The following HS6ST2 variants were observed in gnomAD, a reference collection of about 807,000 sequenced individuals.
HS6ST2 encodes heparan-sulfate 6-O-sulfotransferase 2.
Under a neutral mutation model 33.0 loss-of-function variants are expected in HS6ST2, and 17 were observed. That is an observed-to-expected ratio of 0.52 (90% CI 0.35 to 0.77). HS6ST2 has a LOEUF of 0.77. Among genes scored for constraint, HS6ST2 ranks in the 30% least tolerant of loss-of-function variants. The pLI, the probability that HS6ST2 is intolerant of heterozygous loss-of-function variation, is 0.01. For missense variants in HS6ST2, 519 were observed against 551.7 expected (o/e 0.94, Z 0.59); for synonymous variants, 248 against 237.1 (o/e 1.05, Z -0.42).
Position 132,637,910 on chromosome X carries a change from A to G in HS6ST2, c.1068-8817T>C, listed in dbSNP as rs1270797321. ...TAATATTTTATATATAATATTATAT[A>G]TAATATTTTATATATATATTATATA... is the stretch of plus-strand genomic sequence containing the variant. On this transcript the variant is annotated intron_variant, in intron 4 of 4. Coordinates refer to ENST00000370833, the MANE Select transcript of HS6ST2 (RefSeq NM_001394073.1). Among the ~76,000 whole-genome samples the G allele has an allele frequency of 4.0e-5, 2 of 50,582 alleles. 1 individual carries two copies. The highest frequency in any genetic ancestry group is 5.6e-5 in the Non-Finnish European group (2 of 35,706). The allele number at this position is 50,582 out of a possible 115,157, so 43.9% of individuals were successfully genotyped here. A position where few individuals can be genotyped will look rare whatever the true frequency, so the allele number is the denominator to read the frequency against.
chrX:132,877,372 G>C, intron 2 of HS6ST2, among the ~76,000 whole-genome samples: 1 of 112,423 alleles, frequency 8.9e-6, no homozygotes, highest in East Asian at 2.8e-4. Context: ...TTAAAGGTTT[G>C]CACGTATATT....
Position 132,655,611 on chromosome X carries a change from G to A in HS6ST2, c.1067+13502C>T, listed in dbSNP as rs759231888. ...GGACATGGGTAGTTGAAGGACACAG[G>A]TTATTCAAGATAGGTGCAATGGTAT... On this transcript the variant is annotated intron_variant, in intron 4 of 4. Transcript: ENST00000370833. Among the ~76,000 whole-genome samples the A allele has an allele frequency of 6.3e-5, 7 of 110,813 alleles. No individual in the cohort carries two copies. The South Asian group carries it at 2.4e-3, about 37-fold the overall frequency.
intron 2 of HS6ST2, among the ~76,000 whole-genome samples, chrX:132,775,191 C>T (rs1237323169): frequency 9.0e-6 from 1 of 111,675 alleles, no homozygotes; most frequent in East Asian, 2.8e-4. Flanking sequence ...TCCCTATAGA[C>T]ACCACGCTAG....
intron 2 of HS6ST2, among the ~76,000 whole-genome samples, chrX:132,929,162 C>T (rs1206566792): frequency 9.0e-6 from 1 of 111,166 alleles, no homozygotes; most frequent in African/African-American, 3.3e-5. Context: ...GTAACATGAT[C>T]TTATTGAGCT....
intron 2 of HS6ST2, among the ~76,000 whole-genome samples, chrX:132,814,135 G>A (rs899014195): frequency 4.5e-5 from 5 of 110,594 alleles, no homozygotes; most frequent in African/African-American, 1.7e-4. Context: ...TAGTAGAGAC[G>A]GGATTTCACC....
chrX:132,756,587 C>CT (rs2064757768), intron 2 of HS6ST2, among the ~76,000 whole-genome samples: 2 of 110,668 alleles, frequency 1.8e-5, no homozygotes, highest in Admixed American at 1.9e-4. Flanking sequence ...GTCACTGGTG[C>CT]TTTTTTTCAA....
rs150974894 is a variant in HS6ST2, at chrX:132,925,743, A to T, written c.947+31065T>A. ...AAAGCAACATATTTTAATATTAGCA[A>T]GAATCTTACAATTTTTCTAATAACA... is the stretch of plus-strand genomic sequence containing the variant. On this transcript the variant is annotated intron_variant, in intron 2 of 4. Coordinates refer to ENST00000370833, the MANE Select transcript of HS6ST2 (RefSeq NM_001394073.1). Among the ~76,000 whole-genome samples the T allele has an allele frequency of 2.7e-5, 3 of 112,274 alleles. No individual in the cohort carries two copies. The East Asian group carries it at 8.3e-4, about 31-fold the overall frequency.
chrX:132,842,587 C>T (rs1156643335), intron 2 of HS6ST2, among the ~76,000 whole-genome samples: 1 of 111,766 alleles, frequency 8.9e-6, no homozygotes, highest in Non-Finnish European at 1.9e-5. Flanking sequence ...CTGGCCTGTT[C>T]TCTTCCTCCC....
intron 4 of HS6ST2, among the ~76,000 whole-genome samples, chrX:132,664,050 AC>A (rs1401925870): frequency 8.9e-6 from 1 of 111,929 alleles, no homozygotes; most frequent in Non-Finnish European, 1.9e-5. Context: ...TCACTCTGTC[AC>A]CCAGGCTAGA....
At chrX:132,815,776 A>G (rs2065388761) in intron 2 of HS6ST2, among the ~76,000 whole-genome samples, 1 of 111,351 alleles carries the variant, frequency 9.0e-6, no homozygotes, top group East Asian at 2.8e-4. Flanking sequence ...CCATCCTCTC[A>G]AAGGCAGGTA....
chrX:132,742,886 T>C (rs1431915229), intron 2 of HS6ST2, among the ~76,000 whole-genome samples: 1 of 112,071 alleles, frequency 8.9e-6, no homozygotes, highest in Non-Finnish European at 1.9e-5. Flanking sequence ...CTAGGCACCA[T>C]GGTAACATTT....
chrX:132,738,832 G>A (rs898956531), intron 2 of HS6ST2, among the ~76,000 whole-genome samples: 2 of 111,828 alleles, frequency 1.8e-5, no homozygotes, highest in Non-Finnish European at 3.8e-5. Context: ...TCTAAGAGAC[G>A]ATGTATGAGG....
intron 2 of HS6ST2, among the ~76,000 whole-genome samples, chrX:132,808,116 G>T (rs1466000946): frequency 1.8e-5 from 2 of 111,487 alleles, no homozygotes; most frequent in African/African-American, 6.5e-5. Flanking sequence ...TGTTCCAGAA[G>T]ATCAGGCAGG....
intron 4 of HS6ST2, among the ~76,000 whole-genome samples, chrX:132,664,824 C>A (rs774299233): frequency 9.2e-4 from 103 of 111,920 alleles, no homozygotes; most frequent in African/African-American, 3.2e-3. Context: ...ATCATCTCAA[C>A]TTTGGGCAAT....
rs188835784 is a variant in HS6ST2 at position 132,902,990 on chromosome X, T to C, written c.947+53818A>G. On this transcript the variant is annotated intron_variant, in intron 2 of 4. Coordinates refer to ENST00000370833, the MANE Select transcript of HS6ST2 (RefSeq NM_001394073.1). ...AGATAAGGAAATACAGGCACCCCAG[T>C]TGGAAAAGAGGATGTAAAACTATTT... 3.6e-5 allele frequency among the ~76,000 whole-genome samples: 4 copies of C among 111,524 alleles called. No individual in the cohort carries two copies. The East Asian group carries it at 8.4e-4, about 23-fold the overall frequency.
intron 2 of HS6ST2, among the ~76,000 whole-genome samples, chrX:132,855,097 C>T (rs2065840480): frequency 8.9e-6 from 1 of 112,239 alleles, no homozygotes; most frequent in African/African-American, 3.2e-5. Flanking sequence ...TAGCCTGTTA[C>T]CTTCAAATCT....
intron 2 of HS6ST2, among the ~76,000 whole-genome samples, chrX:132,750,270 T>G (rs2064689702): frequency 9.5e-6 from 1 of 105,541 alleles, no homozygotes; most frequent in Non-Finnish European, 1.9e-5. Context: ...TGTTAGGTGC[T>G]CAATAAATGT....
intron 2 of HS6ST2, among the ~76,000 whole-genome samples, chrX:132,769,941 G>A (rs977579958): frequency 5.4e-5 from 6 of 111,928 alleles, no homozygotes; most frequent in Non-Finnish European, 9.4e-5. Context: ...GGTACAACTC[G>A]CTTGTGATAT....
chrX:132,693,437 CCTT>C (rs762603581), intron 3 of HS6ST2, among the ~76,000 whole-genome samples: 1 of 111,589 alleles, frequency 9.0e-6, no homozygotes, highest in Non-Finnish European at 1.9e-5. Context: ...GGAAGGCCAA[CCTT>C]CTCTAACTGG....
Sources: gnomAD v4.1 joint callset for allele counts (sites outside exome capture counted in the v4.1 genomes callset) on GRCh38, gnomAD v4.1.1 for gene constraint, MANE v1.5 for transcripts, NCBI Gene and HGNC (gene_info 2026-07-23, HGNC 2026-07-21) for gene names.